The following ANO7 variants were observed in gnomAD, a reference collection of about 807,000 sequenced individuals.
ANO7 encodes the protein anoctamin-7.
ANO7 carries 114 observed loss-of-function variants against 115.8 expected under a neutral mutation model. The ratio of observed to expected loss-of-function variants is 0.98; its 90% CI spans 0.85 to 1.15. The LOEUF (loss-of-function observed/expected upper bound fraction) is 1.15. Ranked by LOEUF, ANO7 falls within the 50% of genes most tolerant of loss-of-function variation. ANO7 has a pLI of 0.00. For missense variants in ANO7, 1,302 were observed against 1,201.2 expected, an observed-to-expected ratio of 1.08 and a Z score of -1.24; for synonymous variants, 550 against 498.2, an observed-to-expected ratio of 1.10 and a Z score of -1.38.
chr2:241,190,656 C>T (rs1303739165), intron 2 of ANO7, among the ~76,000 whole-genome samples: 1 of 152,238 alleles, frequency 6.6e-6, no homozygotes, highest in East Asian at 1.9e-4. Context: ...TCCTGGGCCA[C>T]ACGTCTGCCC....
In ANO7 at chr2:241,207,572, A is replaced by AGGCAGGAACTGTGTGGC. The variant is rs2068621893; in HGVS notation, c.981-1_996dup. ...CCCACCCCTCCGCTCCATGCCTTGC[A>AGGCAGGAACTGTGTGGC]GGCAGGAACTGTGTGGCAGCAAGGA... On this transcript the variant is annotated splice_acceptor_variant, in intron 10 of 24. Coordinates refer to ENST00000674324, the MANE Select transcript of ANO7 (RefSeq NM_001370694.2). LOFTEE classifies it high-confidence loss of function. 2 of 1,613,046 alleles carry AGGCAGGAACTGTGTGGC rather than the reference A, an allele frequency of 1.2e-6. No homozygotes were observed. Among genetic ancestry groups the AGGCAGGAACTGTGTGGC allele is most frequent in the South Asian group, 2.2e-5 (2 of 91,082 alleles).
At chr2:241,218,209 C>A (rs1418306217) in intron 20 of ANO7, 30 bp from the exon 21 acceptor site, 3 of 1,348,484 alleles carry the variant, frequency 2.2e-6, no homozygotes, top group Non-Finnish European at 2.9e-6. Context: ...GGAGCGGGGG[C>A]CGCCTCGCGC....
intron 19 of ANO7, 29 bp from the exon 20 acceptor site, chr2:241,217,657 A>G: frequency 6.4e-7 from 1 of 1,553,048 alleles, no homozygotes; most frequent in Non-Finnish European, 8.7e-7. Flanking sequence ...ACGGTGGCGG[A>G]GAGCCCGGCC....
chr2:241,236,583 C>T, the ANO7 span: 35 of 1,607,592 alleles, frequency 2.2e-5, no homozygotes, highest in African/African-American at 2.7e-5. Flanking sequence ...TGGGCCTTGG[C>T]GGGGGGTGGA....
At chr2:241,208,344 C>T (rs1328065618) in intron 11 of ANO7, among the ~76,000 whole-genome samples, 1 of 152,354 alleles carries the variant, frequency 6.6e-6, no homozygotes, top group African/African-American at 2.4e-5. Flanking sequence ...GGGGACTCAG[C>T]CCCAGGCCTC....
chr2:241,226,671 A>G (rs1009878916), downstream of ANO7, among the ~76,000 whole-genome samples: 17 of 152,142 alleles, frequency 1.1e-4, no homozygotes, highest in African/African-American at 2.9e-4. Context: ...TGATCCGCCC[A>G]CCTCGGCTTC....
At chr2:241,222,232 T>TAATA (rs1306016615) in intron 21 of ANO7, among the ~76,000 whole-genome samples, 4 of 110,158 alleles carry the variant, frequency 3.6e-5, no homozygotes, top group Admixed American at 1.1e-4. Context: ...AGACTCTGTC[T>TAATA]CATAAATAAA....
At chr2:241,216,293 G>T in intron 19 of ANO7, 55 bp downstream of exon 19, 8 of 1,498,596 alleles carry the variant, frequency 5.3e-6, no homozygotes, top group Non-Finnish European at 7.1e-6. Context: ...AGGGATGGGT[G>T]GCCACTCTGC....
the ANO7 span, chr2:241,239,612 A>G: frequency 2.3e-5 from 37 of 1,613,960 alleles, 1 homozygote; most frequent in East Asian, 6.5e-4. This position sits in a 1 kb window ranked among gnomAD's most constrained non-coding sequence, Gnocchi z 4.6. Context: ...CAGGTCCTCA[A>G]TGATCTCCTG....
chr2:241,239,867 C>A, the ANO7 span: 1 of 1,612,212 alleles, frequency 6.2e-7, no homozygotes, highest in South Asian at 1.1e-5. The surrounding 1 kb of genome is among the most constrained non-coding windows in gnomAD (Gnocchi z 4.6). Context: ...CATCACGGCC[C>A]CAGCAGAGTC....
downstream of ANO7, chr2:241,229,817 G>A (rs1000442385): frequency 2.3e-6 from 3 of 1,278,316 alleles, no homozygotes; most frequent in South Asian, 1.2e-5. Flanking sequence ...CAGGAGGGCA[G>A]AAGCCCGCAT....
At chr2:241,223,322 C>G in intron 22 of ANO7, 46 bp downstream of exon 22, 1 of 1,601,232 alleles carries the variant, frequency 6.2e-7, no homozygotes, top group Non-Finnish European at 8.6e-7. Flanking sequence ...CATGAGGCCC[C>G]GACCCTGTGC....
chr2:241,196,556 C>T (rs779888368), intron 4 of ANO7, among the ~76,000 whole-genome samples: 1 of 152,262 alleles, frequency 6.6e-6, no homozygotes, highest in South Asian at 2.1e-4. Context: ...ATGTTCATCC[C>T]ACTCGGGGTT....
chr2:241,235,224 T>A, the ANO7 span: 37 of 1,614,088 alleles, frequency 2.3e-5, no homozygotes, highest in Non-Finnish European at 2.9e-5. Context: ...GATGTCAGAC[T>A]GCAGCTCAGG....
chr2:241,227,219 T>TGGG, downstream of ANO7: 1 of 152,456 alleles, frequency 6.6e-6, no homozygotes, highest in Non-Finnish European at 1.5e-5. Flanking sequence ...CAGATGCCAG[T>TGGG]CACCACTCCA....
downstream of ANO7, chr2:241,230,651 G>A (rs980194379): frequency 1.3e-5 from 12 of 939,564 alleles, no homozygotes; most frequent in African/African-American, 8.1e-5. This position sits in a 1 kb window ranked among gnomAD's most constrained non-coding sequence, Gnocchi z 5.0. Flanking sequence ...CCCTGGGGTT[G>A]TGGCCTCATC....
At chr2:241,239,301 C>T in the ANO7 span, among the ~76,000 whole-genome samples, 2 of 152,160 alleles carry the variant, frequency 1.3e-5, no homozygotes, top group Admixed American at 6.5e-5. The surrounding 1 kb of genome is among the most constrained non-coding windows in gnomAD (Gnocchi z 4.6). Context: ...ATCCCTTATA[C>T]AGAATGCATT....
rs752610536 is a variant in ANO7, at chr2:241,217,764, T to TG, written c.2053dup (p.Glu685GlyfsTer97). The TG allele has an allele frequency of 6.2e-7, 1 of 1,608,788 alleles. No homozygotes were observed. On this transcript the variant is annotated frameshift_variant, in exon 20 of 25. Transcript: ENST00000674324. LOFTEE classifies it high-confidence loss of function. ...CTCTTCGCCCTGCTCAACAACTGGG[T>TG]GGAGATCCGCTTGGACGCGCGCAAG...
the ANO7 span, chr2:241,236,702 A>C: frequency 6.2e-7 from 1 of 1,614,028 alleles, no homozygotes; most frequent in Non-Finnish European, 8.5e-7. Flanking sequence ...CGGGGTCACA[A>C]TCTTTAGCCT....
Sources: allele counts gnomAD v4.1 joint callset (sites outside exome capture counted in the v4.1 genomes callset), GRCh38; gene constraint gnomAD v4.1.1; non-coding constraint Gnocchi (gnomAD v3.1); transcripts MANE v1.5; gene names NCBI Gene and HGNC (gene_info 2026-07-23, HGNC 2026-07-21).